Variants in KIRREL3 observed in about 807,000 individuals in gnomAD.
KIRREL3 encodes kirre like nephrin family adhesion molecule 3, also known as kin of IRRE-like protein 3.
In KIRREL3, 36 loss-of-function variants were observed where a neutral mutation model predicts 89.7. The observed-to-expected ratio is 0.40, with a 90% CI of 0.31 to 0.53. The LOEUF is 0.53. KIRREL3 is among the 20% of genes least tolerant of loss of function. The pLI, the probability that KIRREL3 is intolerant of heterozygous loss-of-function variation, is 0.49. For missense variants in KIRREL3, 864 were observed against 1,056.6 expected (o/e 0.82, Z 2.53); for synonymous variants, 445 against 441.4 (o/e 1.01, Z -0.10).
intron 1 of KIRREL3, among the ~76,000 whole-genome samples, chr11:126,582,629 C>T (rs1941613901): frequency 6.6e-6 from 1 of 152,098 alleles, no homozygotes; most frequent in Non-Finnish European, 1.5e-5. Context: ...GGGGTGAGAA[C>T]TGAGTTCAGA....
intron 2 of KIRREL3, among the ~76,000 whole-genome samples, chr11:126,559,291 G>T (rs1168163728): frequency 6.6e-6 from 1 of 152,214 alleles, no homozygotes; most frequent in Non-Finnish European, 1.5e-5. Flanking sequence ...CCTGACACCT[G>T]TGGGGACTTT....
At chr11:126,426,128 C>T (rs1009414697) in intron 15 of KIRREL3, among the ~76,000 whole-genome samples, 1 of 152,252 alleles carries the variant, frequency 6.6e-6, no homozygotes, top group Non-Finnish European at 1.5e-5. Flanking sequence ...TACAGCTCTG[C>T]TCATCAGGGA....
intron 1 of KIRREL3, among the ~76,000 whole-genome samples, chr11:126,945,957 A>C (rs934309902): frequency 3.9e-5 from 6 of 152,222 alleles, no homozygotes; most frequent in African/African-American, 1.4e-4. Context: ...AACACTGAGC[A>C]TCCACCATAT....
intron 4 of KIRREL3, among the ~76,000 whole-genome samples, chr11:126,517,494 G>A (rs767576002): frequency 3.3e-5 from 5 of 152,144 alleles, no homozygotes; most frequent in East Asian, 1.9e-4. Flanking sequence ...GCTACAGAGG[G>A]GTGGTTGGGG....
At chr11:126,806,771 C>A (rs1951216415) in intron 1 of KIRREL3, among the ~76,000 whole-genome samples, 1 of 152,100 alleles carries the variant, frequency 6.6e-6, no homozygotes, top group South Asian at 2.1e-4. Flanking sequence ...CACCCATCAA[C>A]CCATCATCTA....
At position 126,427,798 on chromosome 11, in the gene KIRREL3, GAA is replaced by G. The variant is rs2134139134; in HGVS notation, c.1806+1379_1806+1380del. 6.6e-6 allele frequency among the ~76,000 whole-genome samples: 1 copy of G among 152,324 alleles called. No individual in the cohort carries two copies. Among genetic ancestry groups the G allele is most frequent in the African/African-American group, 2.4e-5 (1 of 41,576 alleles). ...CTCAAGGCTCTCGAGGGTGGATTGA[GAA>G]AAGAGACAAAAGACTACAAGGCTGA... On this transcript the variant is annotated intron_variant, in intron 15 of 16. Transcript: ENST00000525144. This position sits in a 1 kb window ranked among gnomAD's most constrained non-coding sequence, Gnocchi z 5.3.
chr11:126,656,130 G>A lies in KIRREL3; in HGVS notation c.56-93218C>T, dbSNP rs368288816. 1.8e-5 allele frequency: 8 copies of A among 455,994 alleles called. No homozygotes were observed. The highest frequency in any genetic ancestry group is 6.9e-5 in the East Asian group (1 of 14,394). 28.2% of individuals were successfully genotyped at this position (455,994 alleles called of 1,614,324 possible). On this transcript the variant is annotated intron_variant, in intron 1 of 16. Transcript: ENST00000525144. The surrounding 1 kb of genome is among the most constrained non-coding windows in gnomAD (Gnocchi z 4.0). ...AGGAATAAGAAACTAGTGCTGTCTC[G>A]GGAACCAGCAACACAGATGTTCCCA...
Position 126,905,181 on chromosome 11 carries a change from T to C in KIRREL3, c.55+95274A>G, listed in dbSNP as rs1565403100. Among the ~76,000 whole-genome samples, 1 of 152,102 alleles carries C rather than the reference T, an allele frequency of 6.6e-6. No individual in the cohort carries two copies. The highest frequency in any genetic ancestry group is 1.5e-5 in the Non-Finnish European group (1 of 68,024). On this transcript the variant is annotated intron_variant, in intron 1 of 16. Transcript: ENST00000525144. This position sits in a 1 kb window ranked among gnomAD's most constrained non-coding sequence, Gnocchi z 5.0. ...GAGGAACGGGGCTTGATTCCATGGC[T>C]TCCCTACTTGAAGGCAGGGCTTGGC...
chr11:126,809,720 G>A (rs1238519676), intron 1 of KIRREL3, among the ~76,000 whole-genome samples: 4 of 152,142 alleles, frequency 2.6e-5, no homozygotes, highest in African/African-American at 9.7e-5. Context: ...CCCTGTACAG[G>A]GCTTTGCTAT....
intron 1 of KIRREL3, among the ~76,000 whole-genome samples, chr11:126,661,266 G>GA (rs11405184): frequency 0.35 from 53,214 of 152,064 alleles, 9,534 homozygotes; most frequent in Admixed American, 0.42. Flanking sequence ...GTGAGTTTCT[G>GA]TAAGTATTGT....
chr11:126,426,127 G>T (rs1481791405), intron 15 of KIRREL3, among the ~76,000 whole-genome samples: 6 of 152,232 alleles, frequency 3.9e-5, no homozygotes, highest in Non-Finnish European at 8.8e-5. Context: ...ATACAGCTCT[G>T]CTCATCAGGG....
intron 1 of KIRREL3, among the ~76,000 whole-genome samples, chr11:126,855,101 G>A (rs993083272): frequency 1.1e-4 from 16 of 152,136 alleles, no homozygotes; most frequent in African/African-American, 3.4e-4. Flanking sequence ...TCATCATCAC[G>A]GTGTTAGATT....
At chr11:126,457,312 T>G (rs976032143) in intron 6 of KIRREL3, among the ~76,000 whole-genome samples, 1 of 151,708 alleles carries the variant, frequency 6.6e-6, no homozygotes, top group African/African-American at 2.4e-5. Flanking sequence ...TGTATGTCTC[T>G]GTGTGTATGC....
In KIRREL3 at chr11:126,550,083, G is replaced by T. The variant is rs1412301217; in HGVS notation, c.133+12752C>A. The T allele has an allele frequency of 1.3e-5, 2 of 152,204 alleles. No homozygotes were observed. Among genetic ancestry groups the T allele is most frequent in the African/African-American group, 4.8e-5 (2 of 41,454 alleles). The allele number at this position is 152,204 out of a possible 1,614,324, so 9.4% of individuals were successfully genotyped here. A position where few individuals can be genotyped will look rare whatever the true frequency, so the allele number is the denominator to read the frequency against. ...TTGTATTGTAGTTGCTGACGTGTTTGTCTCTCCCCGCAAGACAGTGGTATC... is the reference window on the plus strand; with the variant it reads ...TTGTATTGTAGTTGCTGACGTGTTTTTCTCTCCCCGCAAGACAGTGGTATC... On this transcript the variant is annotated intron_variant, in intron 2 of 16. Coordinates refer to ENST00000525144, the MANE Select transcript of KIRREL3 (RefSeq NM_032531.4). The surrounding 1 kb of genome is among the most constrained non-coding windows in gnomAD (Gnocchi z 4.9).
Position 126,564,110 on chromosome 11 carries a change from G to A in KIRREL3, c.56-1198C>T, listed in dbSNP as rs1940336108. Among the ~76,000 whole-genome samples the A allele has an allele frequency of 6.6e-6, 1 of 152,260 alleles. No individual in the cohort carries two copies. Among genetic ancestry groups the A allele is most frequent in the African/African-American group, 2.4e-5 (1 of 41,466 alleles). On this transcript the variant is annotated intron_variant, in intron 1 of 16. Transcript: ENST00000525144. This position sits in a 1 kb window ranked among gnomAD's most constrained non-coding sequence, Gnocchi z 7.4. The stretch of plus-strand genomic sequence containing the variant: ...GCAGCTCTTCCTGGCCCTTGCCAGG[G>A]TTTCTGGGCTCCTCCCTGCTCCTTC...
intron 1 of KIRREL3, among the ~76,000 whole-genome samples, chr11:126,885,264 A>G (rs1011912137): frequency 2.6e-5 from 4 of 152,344 alleles, no homozygotes; most frequent in African/African-American, 7.2e-5. Flanking sequence ...CTGGATCCCA[A>G]AATGGGAACA....
Position 126,970,461 on chromosome 11 carries a change from A to G in KIRREL3, c.55+29994T>C, listed in dbSNP as rs115211882. ...TAGGTGTGTAGCGACATTAGACAAA[A>G]AGTAACCAGTACCATCAATCTTTAA... is the stretch of plus-strand genomic sequence containing the variant. On this transcript the variant is annotated intron_variant, in intron 1 of 16. Coordinates refer to ENST00000525144, the MANE Select transcript of KIRREL3 (RefSeq NM_032531.4). The surrounding 1 kb of genome is among the most constrained non-coding windows in gnomAD (Gnocchi z 4.4). Among the ~76,000 whole-genome samples, 983 of 152,308 alleles carry G rather than the reference A, an allele frequency of 6.5e-3. 7 individuals carry two copies. The highest frequency in any genetic ancestry group is 0.022 in the African/African-American group (918 of 41,554).
chr11:126,886,960 A>T (rs559094626), intron 1 of KIRREL3, among the ~76,000 whole-genome samples: 1 of 151,792 alleles, frequency 6.6e-6, no homozygotes, highest in South Asian at 2.1e-4. Flanking sequence ...ACATTCAAGA[A>T]AAAAGGATAA....
In KIRREL3 at chr11:126,525,640, A is replaced by G. The variant is rs1958726230; in HGVS notation, c.283+898T>C. 2.6e-5 allele frequency among the ~76,000 whole-genome samples: 4 copies of G among 152,102 alleles called. No homozygotes were observed. The highest frequency in any genetic ancestry group is 9.7e-5 in the African/African-American group (4 of 41,412). ...CAAAGTTACTTCTCAGCTGAATAAT[A>G]TTTTTCTCTCCTCCTCCACCCTTAG... On this transcript the variant is annotated intron_variant, in intron 3 of 16. Transcript: ENST00000525144. This position sits in a 1 kb window ranked among gnomAD's most constrained non-coding sequence, Gnocchi z 5.4.
Sources: gnomAD v4.1 joint callset for allele counts (sites outside exome capture counted in the v4.1 genomes callset) on GRCh38, gnomAD v4.1.1 for gene constraint, Gnocchi (gnomAD v3.1) non-coding constraint, MANE v1.5 for transcripts, NCBI Gene and HGNC (gene_info 2026-07-23, HGNC 2026-07-21) for gene names.